The following SLC39A11 variants were observed in gnomAD, a reference collection of about 807,000 sequenced individuals.
SLC39A11 encodes the protein solute carrier family 39 member 11.
A neutral mutation model predicts 36.1 loss-of-function variants in SLC39A11; 33 were observed. That is an observed-to-expected ratio of 0.91 (90% CI 0.69 to 1.22). SLC39A11 has a LOEUF of 1.22. Among genes scored for constraint, SLC39A11 ranks in the 50% most tolerant of loss-of-function variants. The pLI is 0.00. For synonymous variants in SLC39A11, 166 were observed against 170.3 expected, an observed-to-expected ratio of 0.97 and a Z score of 0.20; for missense variants, 432 against 430.3, an observed-to-expected ratio of 1.00 and a Z score of -0.03.
At chr17:73,042,692 T>C (rs994466145) in intron 3 of SLC39A11, among the ~76,000 whole-genome samples, 7 of 152,076 alleles carry the variant, frequency 4.6e-5, no homozygotes, top group African/African-American at 1.7e-4. Context: ...TCTCAGCTAC[T>C]TGGGAGGCTG....
chr17:73,068,829 C>G (rs1188135034), intron 3 of SLC39A11, among the ~76,000 whole-genome samples: 1 of 152,108 alleles, frequency 6.6e-6, no homozygotes, highest in Non-Finnish European at 1.5e-5. Context: ...CCAGCCTCCC[C>G]CTGTGCACAC....
chr17:72,875,606 G>A (rs748311951), intron 5 of SLC39A11, among the ~76,000 whole-genome samples: 28 of 152,166 alleles, frequency 1.8e-4, no homozygotes, highest in African/African-American at 1.2e-4. Flanking sequence ...ATGTTTATGC[G>A]TGTGTCTGTC....
chr17:72,970,331 C>G (rs1384035181), intron 4 of SLC39A11, among the ~76,000 whole-genome samples: 1 of 152,218 alleles, frequency 6.6e-6, no homozygotes, highest in Non-Finnish European at 1.5e-5. Flanking sequence ...CACACCTTCA[C>G]GTTTGCAATA....
At chr17:72,914,457 G>A (rs987436254) in intron 5 of SLC39A11, among the ~76,000 whole-genome samples, 1 of 152,160 alleles carries the variant, frequency 6.6e-6, no homozygotes, top group Admixed American at 6.5e-5. Flanking sequence ...GAAAGAATAT[G>A]GGAGGATGTG....
chr17:72,929,531 G>A (rs891181115), intron 5 of SLC39A11, among the ~76,000 whole-genome samples: 42 of 152,132 alleles, frequency 2.8e-4, no homozygotes, highest in Admixed American at 7.9e-4. Context: ...AGTCTACACA[G>A]GCATCGCTGC....
intron 3 of SLC39A11, among the ~76,000 whole-genome samples, chr17:73,062,599 T>C (rs1412099530): frequency 7.1e-6 from 1 of 140,462 alleles, no homozygotes; most frequent in East Asian, 4.0e-4. Flanking sequence ...TGTTTCCTGG[T>C]TGGATAGAAA....
rs565794437 is a variant in SLC39A11, at chr17:72,939,280, G to A, written c.430+8472C>T. On this transcript the variant is annotated intron_variant, in intron 5 of 9. Transcript: ENST00000255559. ...GTTCGAAACCAGCCTGGCCAACATG[G>A]TGAAACCCCATCTTTACTAAAAATA... Among the ~76,000 whole-genome samples the A allele has an allele frequency of 5.8e-4, 89 of 152,268 alleles. 1 individual carries two copies. Among genetic ancestry groups the A allele is most frequent in the African/African-American group, 2.1e-3 (87 of 41,550 alleles).
At chr17:72,918,441 G>A (rs937296735) in intron 5 of SLC39A11, among the ~76,000 whole-genome samples, 2 of 152,084 alleles carry the variant, frequency 1.3e-5, no homozygotes, top group Admixed American at 6.6e-5. Flanking sequence ...GCACTGAACT[G>A]GATGATGATT....
intron 6 of SLC39A11, among the ~76,000 whole-genome samples, chr17:72,757,456 T>C (rs113902216): frequency 6.6e-6 from 1 of 152,114 alleles, no homozygotes; most frequent in Non-Finnish European, 1.5e-5. Flanking sequence ...CATGCTCTCC[T>C]AGAGCATCAC....
Position 72,872,448 on chromosome 17 carries a change from T to G in SLC39A11, c.431-22644A>C, listed in dbSNP as rs536229717. Among the ~76,000 whole-genome samples the G allele has an allele frequency of 7.2e-5, 11 of 152,226 alleles. No individual in the cohort carries two copies. The South Asian group carries it at 2.1e-3, about 29-fold the overall frequency. On this transcript the variant is annotated intron_variant, in intron 5 of 9. Transcript: ENST00000255559. ...CTGCCAGATTCTCAGACTCAACTGGTCTCTCGAAATAAGGATGTAACAACG... is the reference window on the plus strand; with the variant it reads ...CTGCCAGATTCTCAGACTCAACTGGGCTCTCGAAATAAGGATGTAACAACG...
intron 4 of SLC39A11, among the ~76,000 whole-genome samples, chr17:73,012,594 A>G (rs2090584275): frequency 6.6e-6 from 1 of 151,770 alleles, no homozygotes; most frequent in South Asian, 2.1e-4. Flanking sequence ...TTTGTTACAA[A>G]GGTATATTGT....
chr17:72,722,158 G>T (rs1269915973), intron 7 of SLC39A11, among the ~76,000 whole-genome samples: 3 of 151,914 alleles, frequency 2.0e-5, no homozygotes, highest in African/African-American at 7.3e-5. Context: ...TCTCTTTTGG[G>T]ATAATACTTA....
intron 6 of SLC39A11, among the ~76,000 whole-genome samples, chr17:72,798,037 T>A (rs1015249663): frequency 2.0e-5 from 3 of 152,010 alleles, no homozygotes; most frequent in African/African-American, 7.3e-5. Flanking sequence ...AGTGCAGATG[T>A]TGGAAGGAGA....
chr17:73,035,230 T>C (rs994250477), intron 3 of SLC39A11, among the ~76,000 whole-genome samples: 2 of 152,190 alleles, frequency 1.3e-5, no homozygotes, highest in African/African-American at 4.8e-5. Flanking sequence ...CATCTCCGCC[T>C]CCCAGGTACA....
At chr17:72,866,620 TG>T (rs1421836087) in intron 5 of SLC39A11, among the ~76,000 whole-genome samples, 1 of 150,360 alleles carries the variant, frequency 6.7e-6, no homozygotes, top group Non-Finnish European at 1.5e-5. Flanking sequence ...TAAAGACAAA[TG>T]AAAAAAAATG....
intron 4 of SLC39A11, among the ~76,000 whole-genome samples, chr17:73,012,553 T>C (rs978007505): frequency 6.6e-6 from 1 of 152,064 alleles, no homozygotes; most frequent in African/African-American, 2.4e-5. Flanking sequence ...TTTTTAACTT[T>C]TATCTTAGAA....
At chr17:72,720,064 CT>C (rs1256287041) in intron 7 of SLC39A11, among the ~76,000 whole-genome samples, 1 of 152,198 alleles carries the variant, frequency 6.6e-6, no homozygotes, top group African/African-American at 2.4e-5. Context: ...GTCGACACCC[CT>C]AGCACAGAGC....
chr17:72,701,930 ACC>A (rs1330231432), intron 7 of SLC39A11, among the ~76,000 whole-genome samples: 8 of 152,122 alleles, frequency 5.3e-5, no homozygotes, highest in African/African-American at 1.9e-4. Context: ...ATATAAAGAG[ACC>A]CCATCTCTAT....
At chr17:72,795,356 G>A (rs2076862673) in intron 6 of SLC39A11, among the ~76,000 whole-genome samples, 1 of 152,076 alleles carries the variant, frequency 6.6e-6, no homozygotes, top group African/African-American at 2.4e-5. Context: ...TGGCATCATA[G>A]GTTTGCCTTA....
Sources: allele counts gnomAD v4.1 joint callset (sites outside exome capture counted in the v4.1 genomes callset), GRCh38; gene constraint gnomAD v4.1.1; transcripts MANE v1.5; gene names NCBI Gene and HGNC (gene_info 2026-07-23, HGNC 2026-07-21).